WDR37: variants seen among roughly 807,000 people sequenced by gnomAD.
WDR37 encodes the protein WD repeat-containing protein 37.
In WDR37, 19 loss-of-function variants were observed where a neutral mutation model predicts 62.9. That is an observed-to-expected ratio of 0.30 (90% confidence interval 0.21 to 0.44). The LOEUF (loss-of-function observed/expected upper bound fraction) is 0.44. Ranked by LOEUF, WDR37 falls within the 20% of genes least tolerant of loss-of-function variation. The pLI, the probability that WDR37 is intolerant of heterozygous loss-of-function variation, is 1.00. For missense variants in WDR37, 474 were observed against 657.6 expected (o/e 0.72, Z 3.05); for synonymous variants, 250 against 260.9 (o/e 0.96, Z 0.40).
At position 1,084,503 on chromosome 10, in the gene WDR37, A is replaced by G. The variant is rs752749033; in HGVS notation, c.497A>G (p.Lys166Arg). The change falls in exon 6 of 14, where the codon AAG becomes AGG. Residue 166 changes from lysine to arginine, a missense_variant. Lys to Arg is a conservative substitution (Grantham distance 26). Transcript: ENST00000263150. ...RDGIWDVSVAKTQPVVLGTAS... is the reference protein window; with the variant it reads ...RDGIWDVSVARTQPVVLGTAS... ...GGCATCTGGGATGTCAGCGTGGCCA[A>G]GACACAGCCAGTGGTGCTCGGGACT... is the stretch of plus-strand genomic sequence containing the variant. 3 of 1,614,170 alleles carry G rather than the reference A, an allele frequency of 1.9e-6. No homozygotes were observed. The highest frequency in any genetic ancestry group is 2.5e-6 in the Non-Finnish European group (3 of 1,180,028).
chr10:1,060,510 A>G (rs1325948317), intron 1 of WDR37, among the ~76,000 whole-genome samples: 1 of 152,118 alleles, frequency 6.6e-6, no homozygotes, highest in Non-Finnish European at 1.5e-5. Flanking sequence ...TCTTTGTAAT[A>G]TGGTAATCTG....
chr10:1,057,427 C>G (rs779682777), intron 1 of WDR37, among the ~76,000 whole-genome samples: 2 of 151,858 alleles, frequency 1.3e-5, no homozygotes, highest in Non-Finnish European at 2.9e-5. Context: ...TTGGGAGGCC[C>G]TTCAGAGAGG....
At chr10:1,084,369 A>C in intron 5 of WDR37, 34 bp from the exon 6 acceptor site, 1 of 1,593,152 alleles carries the variant, frequency 6.3e-7, no homozygotes, top group Non-Finnish European at 8.6e-7. Context: ...TACTTCAGTA[A>C]ATTGTTTCAC....
chr10:1,057,597 C>T (rs1833233241), intron 1 of WDR37, among the ~76,000 whole-genome samples: 1 of 152,132 alleles, frequency 6.6e-6, no homozygotes, highest in Non-Finnish European at 1.5e-5. Flanking sequence ...GCAGCCACCG[C>T]TGGAGGGAAA....
At chr10:1,123,995 G>A (rs1835664823) in intron 11 of WDR37, 12 of 562,904 alleles carry the variant, frequency 2.1e-5, no homozygotes. Context: ...GTGGAATAGA[G>A]TAGAATGGAC....
intron 11 of WDR37, among the ~76,000 whole-genome samples, chr10:1,111,474 T>C (rs887210309): frequency 6.6e-6 from 1 of 152,200 alleles, no homozygotes; most frequent in Non-Finnish European, 1.5e-5. Context: ...GTTCCAATGC[T>C]TCACTGTAAG....
At chr10:1,089,279 C>G (rs1282523615) in intron 7 of WDR37, among the ~76,000 whole-genome samples, 1 of 152,038 alleles carries the variant, frequency 6.6e-6, no homozygotes, top group Non-Finnish European at 1.5e-5. Flanking sequence ...CAGTTCCTGT[C>G]ACGGCCGCTC....
At chr10:1,080,298 C>CA in intron 4 of WDR37, 114 bp from the exon 5 acceptor site, 11 of 1,410,048 alleles carry the variant, frequency 7.8e-6, no homozygotes, top group Non-Finnish European at 1.1e-5. Context: ...TCACTAGGGT[C>CA]AAACGAGCCT....
intron 11 of WDR37, among the ~76,000 whole-genome samples, chr10:1,116,845 C>T (rs1304966686): frequency 6.6e-6 from 1 of 151,680 alleles, no homozygotes; most frequent in Non-Finnish European, 1.5e-5. Context: ...GCCAAGGAGA[C>T]GTTAGCAGAT....
intron 1 of WDR37, among the ~76,000 whole-genome samples, chr10:1,069,385 A>ATTTTTTTTTTTT (rs1564496938): frequency 1.1e-4 from 3 of 28,472 alleles, no homozygotes; most frequent in Non-Finnish European, 2.1e-4. Context: ...ATATATATAT[A>ATTTTTTTTTTTT]TATATTTTTT....
At chr10:1,058,200 C>T (rs1409174549) in intron 1 of WDR37, among the ~76,000 whole-genome samples, 2 of 140,322 alleles carry the variant, frequency 1.4e-5, no homozygotes, top group Non-Finnish European at 3.2e-5. Context: ...GCACTGGCCA[C>T]GTCTCAACAG....
chr10:1,089,599 GTGCTCACCCACAATTCAACCTTCCCA>G (rs1834314104), intron 7 of WDR37, among the ~76,000 whole-genome samples: 8 of 151,530 alleles, frequency 5.3e-5, no homozygotes, highest in African/African-American at 1.5e-4. Context: ...CAGCCTTCCC[GTGCTCACCCACAATTCAACCTTCCCA>G]TGCTCACCCA....
chr10:1,125,907 T>TC (rs1835729393), intron 13 of WDR37, among the ~76,000 whole-genome samples: 1 of 152,184 alleles, frequency 6.6e-6, no homozygotes, highest in Admixed American at 6.5e-5. Flanking sequence ...AGCCCACCCG[T>TC]CCTGGTTGCC....
intron 11 of WDR37, among the ~76,000 whole-genome samples, chr10:1,112,198 C>CT (rs1187914689): frequency 6.6e-6 from 1 of 152,364 alleles, no homozygotes; most frequent in East Asian, 1.9e-4. Context: ...CTGCCTCTCT[C>CT]TCACATTTTG....
intron 1 of WDR37, among the ~76,000 whole-genome samples, chr10:1,071,821 G>A (rs953458033): frequency 2.6e-5 from 4 of 152,124 alleles, no homozygotes; most frequent in Admixed American, 1.3e-4. Flanking sequence ...GGAGTAGACT[G>A]TGCCTGGGGA....
intron 11 of WDR37, among the ~76,000 whole-genome samples, chr10:1,118,516 C>T (rs552519277): frequency 9.3e-4 from 138 of 148,336 alleles, no homozygotes; most frequent in African/African-American, 3.2e-3. Flanking sequence ...CCTCAGCCAG[C>T]TCTGGTTGAA....
chr10:1,122,263 T>A (rs1835606498), intron 11 of WDR37, among the ~76,000 whole-genome samples: 2 of 152,166 alleles, frequency 1.3e-5, no homozygotes, highest in Non-Finnish European at 1.5e-5. Context: ...AGAGGACACT[T>A]CCTTCATGGA....
chr10:1,107,229 G>A (rs890708578), intron 11 of WDR37, among the ~76,000 whole-genome samples: 15 of 152,344 alleles, frequency 9.8e-5, no homozygotes, highest in African/African-American at 3.1e-4. Context: ...GCTCCCCGAC[G>A]TCCACCAGAT....
intron 2 of WDR37, among the ~76,000 whole-genome samples, chr10:1,073,839 G>A (rs983264915): frequency 6.6e-6 from 1 of 152,154 alleles, no homozygotes; most frequent in Non-Finnish European, 1.5e-5. Flanking sequence ...TGTCATACTG[G>A]AGGGCCTTCC....
Sources: allele counts gnomAD v4.1 joint callset (sites outside exome capture counted in the v4.1 genomes callset), GRCh38; gene constraint gnomAD v4.1.1; transcripts MANE v1.5; gene names NCBI Gene and HGNC (gene_info 2026-07-23, HGNC 2026-07-21).